The following GPR89B variants were observed in gnomAD, a reference collection of about 807,000 sequenced individuals.
GPR89B encodes the protein golgi pH regulator B.
Under a neutral mutation model 52.4 loss-of-function variants are expected in GPR89B, and 25 were observed. The ratio of observed to expected loss-of-function variants is 0.48; its 90% CI spans 0.35 to 0.67. GPR89B has a LOEUF of 0.67. Among genes scored for constraint, GPR89B ranks in the 30% least tolerant of loss-of-function variants. The probability of loss-of-function intolerance (pLI) is 0.01; values close to 1 mark genes in which losing one functional copy is unlikely to be tolerated. For missense variants in GPR89B, 146 were observed against 450.2 expected (o/e 0.32, Z 6.11); for synonymous variants, 52 against 151.2 (o/e 0.34, Z 4.81).
chr1:147,951,480 T>C (rs1397300774), intron 5 of GPR89B, among the ~76,000 whole-genome samples: 4 of 152,054 alleles, frequency 2.6e-5, no homozygotes, highest in African/African-American at 9.7e-5. Flanking sequence ...TTAAGAAGCC[T>C]GTCTATTAAG....
chr1:147,961,608 C>T (rs1188837270), intron 7 of GPR89B, among the ~76,000 whole-genome samples: 1 of 152,098 alleles, frequency 6.6e-6, no homozygotes, highest in African/African-American at 2.4e-5. Flanking sequence ...AGTTTGAGTG[C>T]AGCCTGAGAG....
the GPR89B span, among the ~76,000 whole-genome samples, chr1:148,008,265 C>A: frequency 6.6e-6 from 1 of 152,234 alleles, no homozygotes; most frequent in Non-Finnish European, 1.5e-5. Context: ...CTAACCTAAA[C>A]CATTCACCAT....
intron 9 of GPR89B, 59 bp downstream of exon 9, chr1:147,969,022 A>T (rs1657233838): frequency 2.2e-6 from 3 of 1,388,048 alleles, no homozygotes; most frequent in Non-Finnish European, 3.0e-6. Flanking sequence ...AGAGAACAAG[A>T]CTAAATGGCT....
chr1:147,953,067 G>A (rs1357297129), intron 5 of GPR89B, among the ~76,000 whole-genome samples: 5 of 146,310 alleles, frequency 3.4e-5, no homozygotes, highest in African/African-American at 1.3e-4. Flanking sequence ...GCTACCAAGA[G>A]TAAACAGTCA....
chr1:147,980,883 C>T (rs1658197749), intron 10 of GPR89B, among the ~76,000 whole-genome samples: 1 of 147,534 alleles, frequency 6.8e-6, no homozygotes, highest in South Asian at 2.2e-4. Context: ...TCCCCATTTC[C>T]CTCCAATTCC....
intron 7 of GPR89B, among the ~76,000 whole-genome samples, chr1:147,958,969 T>A (rs1170311199): frequency 1.2e-4 from 19 of 152,176 alleles, no homozygotes; most frequent in African/African-American, 4.6e-4. Flanking sequence ...TTTACCACAA[T>A]ATAGAAAAAC....
In GPR89B at chr1:147,928,428, G is replaced by A; in HGVS notation, c.-109G>A. On this transcript the variant is annotated 5_prime_UTR_variant, in exon 1 of 14. Transcript: ENST00000314163. ...CGTCGGGCTGGAGAGCCGCAGTCCC[G>A]GCTGCAGCACCTGGGAGAAGGCAGA... 4 of 1,350,082 alleles carry A rather than the reference G, an allele frequency of 3.0e-6. No homozygotes were observed. The highest frequency in any genetic ancestry group is 1.2e-5 in the South Asian group (1 of 81,646). The allele number at this position is 1,350,082 out of a possible 1,614,324, so 83.6% of individuals were successfully genotyped here.
At chr1:148,011,725 C>A in the GPR89B span, 1 of 152,258 alleles carries the variant, frequency 6.6e-6, no homozygotes, top group African/African-American at 2.4e-5. Context: ...GTGGCATCCG[C>A]GGGGTCCGTG....
At chr1:147,970,569 C>CTCTCTCTATATATA (rs1553253167) in intron 10 of GPR89B, among the ~76,000 whole-genome samples, 2 of 142,574 alleles carry the variant, frequency 1.4e-5, no homozygotes, top group Non-Finnish European at 3.0e-5. Context: ...CTCTCTCTCT[C>CTCTCTCTATATATA]TATATATATA....
the GPR89B span, among the ~76,000 whole-genome samples, chr1:148,019,622 AAAC>A: frequency 6.6e-6 from 1 of 152,076 alleles, no homozygotes; most frequent in African/African-American, 2.4e-5. Context: ...GAAAGAAAAT[AAAC>A]AACAACAACA....
In GPR89B at chr1:147,993,075, C is replaced by G; in HGVS notation, c.*158C>G. On this transcript the variant is annotated 3_prime_UTR_variant, in exon 14 of 14. Coordinates refer to ENST00000314163, the MANE Select transcript of GPR89B (RefSeq NM_016334.5). ...CATACTCCTTCCCCCTCAGGTGATA[C>G]TATGACCATGAGTAGCATCAGCCAG... 6.4e-7 allele frequency: 1 copy of G among 1,568,496 alleles called. No individual in the cohort carries two copies. The highest frequency in any genetic ancestry group is 1.2e-5 in the South Asian group (1 of 83,662).
chr1:147,978,186 T>C (rs1422405126), intron 10 of GPR89B, among the ~76,000 whole-genome samples: 3 of 151,872 alleles, frequency 2.0e-5, no homozygotes, highest in African/African-American at 7.3e-5. Context: ...TGGGGTCTTT[T>C]TTTGTTGATG....
chr1:147,938,666 G>C, intron 2 of GPR89B, 48 bp from the exon 3 acceptor site: 2 of 1,604,010 alleles, frequency 1.2e-6, no homozygotes, highest in South Asian at 1.1e-5. Context: ...TATCAGTTCA[G>C]TTTTTAAACA....
chr1:147,939,030 C>A (rs1389673874), intron 3 of GPR89B, among the ~76,000 whole-genome samples: 1 of 126,114 alleles, frequency 7.9e-6, no homozygotes, highest in African/African-American at 3.1e-5. Context: ...AAGATCTGAC[C>A]GTTAACTCTG....
At chr1:147,997,198 A>G (rs1412914199), downstream of GPR89B, among the ~76,000 whole-genome samples, 2 of 152,078 alleles carry the variant, frequency 1.3e-5, no homozygotes, top group Non-Finnish European at 2.9e-5. Context: ...CCTTAAACAC[A>G]TTAGAAAAAG....
At chr1:147,989,346 A>G (rs1658890328) in intron 12 of GPR89B, among the ~76,000 whole-genome samples, 2 of 152,282 alleles carry the variant, frequency 1.3e-5, no homozygotes, top group South Asian at 2.1e-4. Flanking sequence ...TAGTTTTGTT[A>G]TACATCATTT....
chr1:148,024,266 G>C, the GPR89B span, among the ~76,000 whole-genome samples: 5 of 151,730 alleles, frequency 3.3e-5, no homozygotes, highest in African/African-American at 1.2e-4. Context: ...TTCTGTAAAG[G>C]GCCAGGGAGA....
chr1:147,968,194 T>C (rs1174640875), intron 8 of GPR89B: 1 of 447,456 alleles, frequency 2.2e-6, no homozygotes, highest in Non-Finnish European at 4.5e-6. Flanking sequence ...AATGGGAGAA[T>C]AATAACTCTA....
intron 10 of GPR89B, among the ~76,000 whole-genome samples, chr1:147,976,983 C>T (rs1486486780): frequency 2.0e-5 from 3 of 151,568 alleles, no homozygotes; most frequent in African/African-American, 7.3e-5. Flanking sequence ...GCCGGTAATC[C>T]CAGCACTTTG....
Sources: allele counts gnomAD v4.1 joint callset (sites outside exome capture counted in the v4.1 genomes callset), GRCh38; gene constraint gnomAD v4.1.1; transcripts MANE v1.5; gene names NCBI Gene and HGNC (gene_info 2026-07-23, HGNC 2026-07-21).